DDX19B: variants seen among roughly 807,000 people sequenced by gnomAD.
DDX19B encodes the protein ATP-dependent RNA helicase DDX19B.
A neutral mutation model predicts 58.1 loss-of-function variants in DDX19B; 27 were observed. The observed-to-expected ratio is 0.46, with a 90% CI of 0.34 to 0.64. DDX19B has a LOEUF of 0.64. Ranked by LOEUF, DDX19B falls within the 30% of genes least tolerant of loss-of-function variation. The pLI, the probability that DDX19B is intolerant of heterozygous loss-of-function variation, is 0.01. For missense variants in DDX19B, 399 were observed against 596.5 expected, an observed-to-expected ratio of 0.67 and a Z score of 3.45; for synonymous variants, 187 against 214.4, an observed-to-expected ratio of 0.87 and a Z score of 1.12.
chr16:70,321,903 C>T (rs1962844875), intron 5 of DDX19B, among the ~76,000 whole-genome samples: 1 of 151,720 alleles, frequency 6.6e-6, no homozygotes, highest in Non-Finnish European at 1.5e-5. Flanking sequence ...GGCATGGTGG[C>T]ACGTGCCTGT....
intron 1 of DDX19B, among the ~76,000 whole-genome samples, chr16:70,305,142 T>C (rs1837150865): frequency 6.6e-6 from 1 of 152,218 alleles, no homozygotes; most frequent in Non-Finnish European, 1.5e-5. Context: ...TATTCTGACC[T>C]TAACTATATA....
intron 9 of DDX19B, among the ~76,000 whole-genome samples, 188 bp from the exon 10 acceptor site, chr16:70,331,534 G>A (rs1327727758): frequency 6.6e-6 from 1 of 152,138 alleles, no homozygotes; most frequent in African/African-American, 2.4e-5. Context: ...CGAACACTTG[G>A]GCTCAAGTGT....
chr16:70,320,552 ATT>A (rs61587002), intron 5 of DDX19B, among the ~76,000 whole-genome samples: 3 of 141,568 alleles, frequency 2.1e-5, no homozygotes, highest in Non-Finnish European at 1.6e-5. Flanking sequence ...TTTTTATACA[ATT>A]TTTTTTTTTT....
chr16:70,296,152 C>T (rs1961212204), upstream of DDX19B, among the ~76,000 whole-genome samples: 1 of 151,888 alleles, frequency 6.6e-6, no homozygotes, highest in South Asian at 2.1e-4. Flanking sequence ...TACAGGCACC[C>T]ACCACCATGC....
intron 1 of DDX19B, among the ~76,000 whole-genome samples, chr16:70,305,129 G>A (rs1961689685): frequency 6.6e-6 from 1 of 152,202 alleles, no homozygotes; most frequent in Non-Finnish European, 1.5e-5. Flanking sequence ...AGTGGGGCTT[G>A]TCTATTCTGA....
chr16:70,309,038 TTTC>T (rs566804361), intron 1 of DDX19B, among the ~76,000 whole-genome samples: 1 of 151,984 alleles, frequency 6.6e-6, no homozygotes, highest in African/African-American at 2.4e-5. Context: ...TTTATAATGA[TTTC>T]TTTTTTTTTT....
At chr16:70,319,307 A>G (rs1287987881) in intron 5 of DDX19B, among the ~76,000 whole-genome samples, 1 of 152,148 alleles carries the variant, frequency 6.6e-6, no homozygotes, top group Non-Finnish European at 1.5e-5. Flanking sequence ...ACAGTTACTA[A>G]GGTGGTTTCC....
chr16:70,304,068 C>G (rs1328097830), intron 1 of DDX19B, among the ~76,000 whole-genome samples: 1 of 151,070 alleles, frequency 6.6e-6, no homozygotes, highest in African/African-American at 2.4e-5. Context: ...GAGGCGGAGT[C>G]TGGCTCTGTC....
rs991668204 is a variant in DDX19B at position 70,330,018 on chromosome 16, T to G, written c.973T>G (p.Cys325Gly). 6.2e-7 allele frequency: 1 copy of G among 1,614,080 alleles called. No individual in the cohort carries two copies. The highest frequency in any genetic ancestry group is 1.3e-5 in the African/African-American group (1 of 75,050). ...SSRDEKFQAL[C>G]NLYGAITIAQ... ...CAGAGACGAGAAGTTCCAGGCCTTGTGTAACCTCTACGGGGCCATCACCAT... is the reference window on the plus strand; with the variant it reads ...CAGAGACGAGAAGTTCCAGGCCTTGGGTAACCTCTACGGGGCCATCACCAT... The change falls in exon 9 of 12, where the codon TGT becomes GGT. Residue 325 changes from cysteine to glycine, a missense_variant. By Grantham distance (159) the Cys-to-Gly change is radical (BLOSUM62 -3). Transcript: ENST00000288071.
chr16:70,330,180 T>G, intron 9 of DDX19B, 112 bp downstream of exon 9: 2 of 1,294,334 alleles, frequency 1.5e-6, no homozygotes, highest in Non-Finnish European at 2.2e-6. Flanking sequence ...AAGTGGTTTG[T>G]TCTCCTAAGG....
intron 7 of DDX19B, among the ~76,000 whole-genome samples, chr16:70,328,622 CA>C (rs1963304892): frequency 6.6e-6 from 1 of 151,892 alleles, no homozygotes; most frequent in South Asian, 2.1e-4. Context: ...CTCAGCCTTC[CA>C]AAATGCTGGG....
At chr16:70,317,231 AT>A (rs941642367) in intron 4 of DDX19B, 2 of 198,472 alleles carry the variant, frequency 1.0e-5, no homozygotes, top group East Asian at 1.1e-4. Context: ...AAAAAAAAAA[AT>A]TAGCGGGGCA....
intron 2 of DDX19B, among the ~76,000 whole-genome samples, chr16:70,313,168 G>T (rs990890951): frequency 2.0e-5 from 3 of 152,084 alleles, no homozygotes; most frequent in Non-Finnish European, 2.9e-5. Context: ...ACAGGCACCT[G>T]CCACCACGCC....
At chr16:70,300,415 C>T (rs1464807997) in intron 1 of DDX19B, among the ~76,000 whole-genome samples, 1 of 151,880 alleles carries the variant, frequency 6.6e-6, no homozygotes, top group African/African-American at 2.4e-5. Flanking sequence ...GCCATGTTGC[C>T]CAGGCTGGTC....
At position 70,326,852 on chromosome 16, in the gene DDX19B, TGAGA is replaced by T. The variant is rs1227929094; in HGVS notation, c.607+1170_607+1173del. On this transcript the variant is annotated intron_variant, in intron 7 of 11. Transcript: ENST00000288071. ...TGCCCAGACTTCTTTCTTTTTTTTT[TGAGA>T]GAGAGTCTCGCCCTGTCGCCCAGGC... Among the ~76,000 whole-genome samples the T allele has an allele frequency of 2.0e-5, 3 of 147,910 alleles. No individual in the cohort carries two copies. The East Asian group carries it at 6.2e-4, about 31-fold the overall frequency.
chr16:70,293,070 A>C (rs1961100689), upstream of DDX19B, among the ~76,000 whole-genome samples: 1 of 151,702 alleles, frequency 6.6e-6, no homozygotes, highest in Non-Finnish European at 1.5e-5. Flanking sequence ...ACAAGAGGGA[A>C]ACTCTGTCTC....
intron 5 of DDX19B, 84 bp downstream of exon 5, chr16:70,317,672 C>A: frequency 2.4e-6 from 3 of 1,258,386 alleles, no homozygotes; most frequent in Non-Finnish European, 2.2e-6. Flanking sequence ...AGCAAGGTGG[C>A]TTATGCCTAT....
intron 1 of DDX19B, among the ~76,000 whole-genome samples, chr16:70,300,152 T>G (rs192321021): frequency 1.7e-3 from 263 of 151,996 alleles, no homozygotes; most frequent in Non-Finnish European, 2.8e-3. Context: ...GTTTAAAGAG[T>G]GAAGTTATTT....
chr16:70,332,740 CCT>C (rs372686962), intron 10 of DDX19B, among the ~76,000 whole-genome samples: 2 of 152,302 alleles, frequency 1.3e-5, no homozygotes, highest in East Asian at 3.9e-4. Flanking sequence ...CACCCCACCC[CCT>C]GACCCGTGCT....
Sources: allele counts gnomAD v4.1 joint callset (sites outside exome capture counted in the v4.1 genomes callset), GRCh38; gene constraint gnomAD v4.1.1; transcripts MANE v1.5; gene names NCBI Gene and HGNC (gene_info 2026-07-23, HGNC 2026-07-21).